PKHD1: variants seen among roughly 807,000 people sequenced by gnomAD.
PKHD1 encodes fibrocystin.
A neutral mutation model predicts 412.0 loss-of-function variants in PKHD1; 291 were observed. The ratio of observed to expected loss-of-function variants is 0.71; its 90% CI spans 0.64 to 0.78. The LOEUF is 0.78. Ranked by LOEUF, PKHD1 falls within the 30% of genes least tolerant of loss-of-function variation. The pLI is 0.00. For missense variants in PKHD1, 4,825 were observed against 4,950.7 expected, an observed-to-expected ratio of 0.97 and a Z score of 0.76; for synonymous variants, 1,777 against 1,821.5, an observed-to-expected ratio of 0.98 and a Z score of 0.62.
chr6:51,941,458 T>C (rs1027882791), intron 36 of PKHD1, among the ~76,000 whole-genome samples: 1 of 150,028 alleles, frequency 6.7e-6, no homozygotes, highest in African/African-American at 2.4e-5. Flanking sequence ...GGTTTCACCT[T>C]GTTAGCCAGG....
intron 60 of PKHD1, among the ~76,000 whole-genome samples, chr6:51,663,824 C>G (rs1773262216): frequency 6.6e-6 from 1 of 151,954 alleles, no homozygotes; most frequent in South Asian, 2.1e-4. Flanking sequence ...TGTAATACAT[C>G]TATTTCACAT....
rs727504090 is a variant in PKHD1 at position 52,050,256 on chromosome 6, T to C, written c.2180A>G (p.Asn727Ser). Residue 727 changes from asparagine to serine, a missense_variant, in exon 22 of 67, where the codon AAT becomes AGT. Transcript: ENST00000371117. ...CACCACAGAGACTGATTCCACCAGA[T>C]TGCCCCCTGGGCGAGCCGTTCCAGA... Reference protein sequence around the residue: ...ADSGTARPGGNLVESVSVVGS... With the variant: ...ADSGTARPGGSLVESVSVVGS... 2.5e-6 allele frequency: 4 copies of C among 1,614,026 alleles called. No individual in the cohort carries two copies. Among genetic ancestry groups the C allele is most frequent in the East Asian group, 2.2e-5 (1 of 44,878 alleles).
intron 66 of PKHD1, among the ~76,000 whole-genome samples, chr6:51,624,644 C>A (rs1767023045): frequency 6.6e-6 from 1 of 152,130 alleles, no homozygotes. Context: ...TACTGGAATC[C>A]AAAAGACCCT....
intron 37 of PKHD1, among the ~76,000 whole-genome samples, chr6:51,930,790 T>C (rs892511016): frequency 1.3e-5 from 2 of 152,182 alleles, no homozygotes; most frequent in African/African-American, 2.4e-5. Context: ...TAAGAAGCCT[T>C]TTGTAACCAC....
intron 60 of PKHD1, among the ~76,000 whole-genome samples, chr6:51,722,382 G>C (rs9474059): frequency 6.6e-6 from 1 of 152,002 alleles, no homozygotes; most frequent in Non-Finnish European, 1.5e-5. Context: ...TTATATAAAC[G>C]AAAGTTTGCA....
At chr6:51,624,634 T>C (rs1767021896) in intron 66 of PKHD1, among the ~76,000 whole-genome samples, 1 of 152,242 alleles carries the variant, frequency 6.6e-6, no homozygotes, top group Non-Finnish European at 1.5e-5. Flanking sequence ...TTGTAATAAC[T>C]ACTGGAATCC....
chr6:51,917,616 A>G (rs570325958), intron 37 of PKHD1, among the ~76,000 whole-genome samples: 23 of 152,280 alleles, frequency 1.5e-4, no homozygotes, highest in African/African-American at 5.5e-4. Context: ...CTTGAAGGAC[A>G]AACCAAAGTG....
intron 36 of PKHD1, among the ~76,000 whole-genome samples, chr6:51,949,407 G>A (rs1487584149): frequency 6.6e-6 from 1 of 152,126 alleles, no homozygotes; most frequent in Non-Finnish European, 1.5e-5. Flanking sequence ...GTATATCCCT[G>A]TACCTTACTG....
chr6:51,750,462 T>C lies in PKHD1; in HGVS notation c.8951-1797A>G, dbSNP rs561750736. 6.6e-5 allele frequency among the ~76,000 whole-genome samples: 10 copies of C among 152,274 alleles called. 1 individual carries two copies. The South Asian group carries it at 8.3e-4, about 13-fold the overall frequency. On this transcript the variant is annotated intron_variant, in intron 57 of 66. Coordinates refer to ENST00000371117, the MANE Select transcript of PKHD1 (RefSeq NM_138694.4). Reference sequence around the variant, plus strand: ...AGGCAACATGTCAGTATTATTGTTATTTCCTAGGTTTCTTATAAATGATAT... The same window carrying C: ...AGGCAACATGTCAGTATTATTGTTACTTCCTAGGTTTCTTATAAATGATAT...
intron 37 of PKHD1, among the ~76,000 whole-genome samples, chr6:51,928,103 T>G (rs762030024): frequency 2.0e-5 from 3 of 152,094 alleles, no homozygotes; most frequent in African/African-American, 7.2e-5. Context: ...ACCTGCCCCA[T>G]ACTGACAATA....
Position 51,909,273 on chromosome 6 carries a change from A to AC in PKHD1, c.6682+9dup. On this transcript the variant is annotated intron_variant, in intron 40 of 66. Transcript: ENST00000371117. The stretch of plus-strand genomic sequence containing the variant: ...AAACATGAGAAAGTCCTAGGTCCGG[A>AC]CCCCCTTACCTCTCATAGCTCCCAC... 1 of 1,608,200 alleles carries AC rather than the reference A, an allele frequency of 6.2e-7. No individual in the cohort carries two copies. Among genetic ancestry groups the AC allele is most frequent in the Non-Finnish European group, 8.5e-7 (1 of 1,175,020 alleles).
chr6:51,663,547 T>A (rs559530696), intron 60 of PKHD1, among the ~76,000 whole-genome samples: 1 of 152,278 alleles, frequency 6.6e-6, no homozygotes, highest in Admixed American at 6.5e-5. Flanking sequence ...ATATTTCATC[T>A]CTAAATCACC....
chr6:51,914,033 T>C (rs1004807963), intron 37 of PKHD1, among the ~76,000 whole-genome samples: 8 of 152,160 alleles, frequency 5.3e-5, no homozygotes, highest in Admixed American at 2.0e-4. Context: ...CATTCTTGAA[T>C]GCCTACATAG....
At chr6:51,644,364 T>C (rs369240280) in intron 63 of PKHD1, among the ~76,000 whole-genome samples, 3 of 152,192 alleles carry the variant, frequency 2.0e-5, no homozygotes, top group African/African-American at 7.2e-5. Flanking sequence ...ATGTGCACCA[T>C]ATGATAGGAA....
At chr6:51,959,735 T>C in intron 36 of PKHD1, 135 bp downstream of exon 36, 1 of 809,024 alleles carries the variant, frequency 1.2e-6, no homozygotes, top group South Asian at 1.5e-5. Flanking sequence ...CTTTACATAG[T>C]AAAATTTCAG....
intron 36 of PKHD1, among the ~76,000 whole-genome samples, chr6:51,948,644 T>C (rs974815081): frequency 6.6e-6 from 1 of 152,272 alleles, no homozygotes; most frequent in African/African-American, 2.4e-5. Context: ...TGTTAAGTGA[T>C]CACTCAATAC....
chr6:51,830,919 G>A lies in PKHD1; in HGVS notation c.8244C>T (p.Gly2748=). 6.2e-7 allele frequency: 1 copy of A among 1,612,298 alleles called. No individual in the cohort carries two copies. Among genetic ancestry groups the A allele is most frequent in the Middle Eastern group, 1.7e-4 (1 of 6,050 alleles). ...GAATGGTATTGTTGTATCCTCCCCA[G>A]CCTTCTTCAACACCTTGCCATGTTT... The part of the protein sequence containing the change: ...LPETWQGVEE[G]WGGYNNTIPG... The change falls in exon 52 of 67, where the codon GGC becomes GGT. Residue 2748 remains glycine (G), a synonymous_variant. Coordinates refer to ENST00000371117, the MANE Select transcript of PKHD1 (RefSeq NM_138694.4).
chr6:51,694,472 CTCCCTGGT>C (rs1778545646), intron 60 of PKHD1, among the ~76,000 whole-genome samples: 1 of 151,512 alleles, frequency 6.6e-6, no homozygotes, highest in Non-Finnish European at 1.5e-5. Context: ...CAACCTCTCC[CTCCCTGGT>C]TCAAGCAATT....
At chr6:51,671,999 G>A (rs1775077469) in intron 60 of PKHD1, among the ~76,000 whole-genome samples, 1 of 152,148 alleles carries the variant, frequency 6.6e-6, no homozygotes, top group Admixed American at 6.5e-5. Flanking sequence ...GTCAAATGTG[G>A]GAAGTCTCTT....
Sources: allele counts gnomAD v4.1 joint callset (sites outside exome capture counted in the v4.1 genomes callset), GRCh38; gene constraint gnomAD v4.1.1; transcripts MANE v1.5; gene names NCBI Gene and HGNC (gene_info 2026-07-23, HGNC 2026-07-21).